SRGAP3: variants seen among roughly 807,000 people sequenced by gnomAD.
SRGAP3 encodes SLIT-ROBO Rho GTPase activating protein 3.
SRGAP3 carries 39 observed loss-of-function variants against 121.1 expected under a neutral mutation model. That is an observed-to-expected ratio of 0.32 (90% CI 0.25 to 0.42). SRGAP3 has a LOEUF of 0.42. Among genes scored for constraint, SRGAP3 ranks in the 10% least tolerant of loss-of-function variants. SRGAP3 has a pLI of 1.00. For synonymous variants in SRGAP3, 601 were observed against 570.0 expected (o/e 1.05, Z -0.77); for missense variants, 1,213 against 1,470.6 (o/e 0.82, Z 2.86).
intron 3 of SRGAP3, among the ~76,000 whole-genome samples, chr3:9,301,835 A>C (rs749643635): frequency 1.3e-5 from 2 of 152,250 alleles, no homozygotes; most frequent in Non-Finnish European, 2.9e-5. Flanking sequence ...CCTACTTCAC[A>C]GGGTTGATCT....
chr3:9,015,823 A>G, intron 14 of SRGAP3, 92 bp from the exon 15 acceptor site: 1 of 1,521,314 alleles, frequency 6.6e-7, no homozygotes, highest in Non-Finnish European at 9.0e-7. Context: ...GTCCAGCCTG[A>G]ACCACAGGAA....
intron 18 of SRGAP3, among the ~76,000 whole-genome samples, chr3:9,009,508 T>C (rs572201598): frequency 6.6e-6 from 1 of 152,352 alleles, no homozygotes; most frequent in African/African-American, 2.4e-5. Flanking sequence ...AGACTGGATA[T>C]TGTGTTCATT....
chr3:9,033,434 TTTTC>T (rs1205849527), intron 11 of SRGAP3: 15 of 152,298 alleles, frequency 9.8e-5, no homozygotes, highest in African/African-American at 3.6e-4. Flanking sequence ...TTTTTTTCCT[TTTTC>T]TTTGAGACGG....
chr3:8,993,350 T>C (rs1942190150), intron 19 of SRGAP3, among the ~76,000 whole-genome samples: 1 of 152,204 alleles, frequency 6.6e-6, no homozygotes, highest in Admixed American at 6.5e-5. Flanking sequence ...AGCTAAATGC[T>C]GCAGGGTGTG....
chr3:9,018,061 G>A (rs556665416), intron 14 of SRGAP3, among the ~76,000 whole-genome samples: 2 of 152,256 alleles, frequency 1.3e-5, no homozygotes, highest in South Asian at 4.1e-4. Context: ...GTGTCCATGA[G>A]ATAAAGTGTT....
chr3:9,016,227 A>G (rs1943631069), intron 14 of SRGAP3, among the ~76,000 whole-genome samples: 1 of 152,246 alleles, frequency 6.6e-6, no homozygotes, highest in Admixed American at 6.5e-5. Context: ...GGTGTCTTTT[A>G]TAGACTTTTT....
intron 4 of SRGAP3, among the ~76,000 whole-genome samples, chr3:9,068,623 T>A (rs1412340285): frequency 6.6e-6 from 1 of 152,046 alleles, no homozygotes; most frequent in African/African-American, 2.4e-5. Flanking sequence ...AATGACTCTA[T>A]TTGTACCCAG....
At chr3:9,292,232 G>A (rs1559263040) in intron 3 of SRGAP3, among the ~76,000 whole-genome samples, 2 of 152,176 alleles carry the variant, frequency 1.3e-5, no homozygotes, top group Non-Finnish European at 2.9e-5. Context: ...ACAGATGGCT[G>A]TGCCTCATCC....
chr3:9,245,697 G>A (rs1198381696), intron 1 of SRGAP3, among the ~76,000 whole-genome samples: 3 of 152,306 alleles, frequency 2.0e-5, no homozygotes, highest in East Asian at 1.9e-4. Context: ...GCCAAGGCGG[G>A]TGGATCACTT....
chr3:9,238,790 T>C (rs764032221), intron 1 of SRGAP3, among the ~76,000 whole-genome samples: 4 of 152,116 alleles, frequency 2.6e-5, no homozygotes, highest in Non-Finnish European at 5.9e-5. Context: ...GGGTCCCTCA[T>C]GGCCCAGTGT....
intron 1 of SRGAP3, among the ~76,000 whole-genome samples, chr3:9,229,068 CAAA>C (rs61231273): frequency 3.5e-4 from 26 of 74,074 alleles, no homozygotes; most frequent in African/African-American, 1.1e-3. Flanking sequence ...GACTCCGTCT[CAAA>C]AAAAAAAAAA....
At chr3:9,091,091 CAT>C (rs751999900) in intron 3 of SRGAP3, among the ~76,000 whole-genome samples, 4 of 152,178 alleles carry the variant, frequency 2.6e-5, no homozygotes, top group Non-Finnish European at 5.9e-5. Context: ...CACACACACA[CAT>C]ACACACACAC....
intron 1 of SRGAP3, among the ~76,000 whole-genome samples, chr3:9,149,213 C>CAAA (rs548286364): frequency 1.8e-5 from 1 of 56,606 alleles, no homozygotes; most frequent in Admixed American, 1.9e-4. Flanking sequence ...GACTCCGTCT[C>CAAA]AAAAAAAAAA....
intron 3 of SRGAP3, among the ~76,000 whole-genome samples, chr3:9,090,525 T>C (rs1347963498): frequency 1.3e-5 from 2 of 152,300 alleles, no homozygotes; most frequent in Non-Finnish European, 2.9e-5. Flanking sequence ...TTGCTCTGTA[T>C]GATTTGATTT....
chr3:9,139,061 G>A (rs1949762541), intron 1 of SRGAP3, among the ~76,000 whole-genome samples: 1 of 152,180 alleles, frequency 6.6e-6, no homozygotes, highest in Non-Finnish European at 1.5e-5. Context: ...ACCAGCACCT[G>A]TGTCTCCCAG....
intron 1 of SRGAP3, among the ~76,000 whole-genome samples, chr3:9,222,869 A>G (rs1165973377): frequency 1.3e-5 from 2 of 152,234 alleles, no homozygotes; most frequent in Non-Finnish European, 2.9e-5. Flanking sequence ...AAGAGAAGAG[A>G]ATAATGAAAA....
chr3:9,038,222 G>A, intron 10 of SRGAP3, 132 bp from the exon 11 acceptor site: 9 of 1,257,436 alleles, frequency 7.2e-6, no homozygotes, highest in Non-Finnish European at 8.9e-6. Context: ...TATGCCTAAG[G>A]TGCGGTCTGT....
intron 4 of SRGAP3, among the ~76,000 whole-genome samples, chr3:9,072,009 T>C (rs1946745972): frequency 6.6e-6 from 1 of 152,152 alleles, no homozygotes; most frequent in Non-Finnish European, 1.5e-5. Flanking sequence ...CAGAGTGTCA[T>C]TTTTATCTAA....
chr3:9,001,126 A>G (rs1942736306), intron 18 of SRGAP3, among the ~76,000 whole-genome samples: 1 of 152,248 alleles, frequency 6.6e-6, no homozygotes, highest in South Asian at 2.1e-4. Flanking sequence ...AACAGGTACA[A>G]TGTTAGAGTT....
Sources: gnomAD v4.1 joint callset for allele counts (sites outside exome capture counted in the v4.1 genomes callset) on GRCh38, gnomAD v4.1.1 for gene constraint, MANE v1.5 for transcripts, NCBI Gene and HGNC (gene_info 2026-07-23, HGNC 2026-07-21) for gene names.